The following IRAK4 variants were observed in gnomAD, a reference collection of about 807,000 sequenced individuals.
The protein encoded by IRAK4 is interleukin-1 receptor-associated kinase 4.
Under a neutral mutation model 51.8 loss-of-function variants are expected in IRAK4, and 44 were observed. The ratio of observed to expected loss-of-function variants is 0.85; its 90% confidence interval spans 0.67 to 1.09. The LOEUF (loss-of-function observed/expected upper bound fraction) is 1.09, where lower values mean the gene tolerates loss of function less well. Ranked by LOEUF, IRAK4 falls within the 50% of genes least tolerant of loss-of-function variation. The pLI, the probability that IRAK4 is intolerant of heterozygous loss-of-function variation, is 0.00. For synonymous variants in IRAK4, 149 were observed against 174.1 expected, an observed-to-expected ratio of 0.86 and a Z score of 1.13; for missense variants, 487 against 538.0, an observed-to-expected ratio of 0.91 and a Z score of 0.94.
chr12:43,777,447 G>A (rs1388768040), intron 6 of IRAK4, among the ~76,000 whole-genome samples, 183 bp from the exon 7 acceptor site: 1 of 152,110 alleles, frequency 6.6e-6, no homozygotes, highest in Non-Finnish European at 1.5e-5. Context: ...GAAAAGAGAA[G>A]TATTTGCAGA....
At chr12:43,782,275 AT>A (rs1941841489) in intron 8 of IRAK4, 31 bp from the exon 9 acceptor site, 1 of 1,553,522 alleles carries the variant, frequency 6.4e-7, no homozygotes, top group Non-Finnish European at 8.9e-7. Context: ...TGGGAAAAAC[AT>A]TTTTTTCTTC....
chr12:43,779,071 A>G (rs4251505), intron 8 of IRAK4, among the ~76,000 whole-genome samples: 2,381 of 152,228 alleles, frequency 0.016, 71 homozygotes, highest in African/African-American at 0.053. Flanking sequence ...AGACCTGACT[A>G]TGTTCCCTGA....
At chr12:43,763,929 C>G (rs1413241654) in intron 1 of IRAK4, among the ~76,000 whole-genome samples, 1 of 152,164 alleles carries the variant, frequency 6.6e-6, no homozygotes, top group Non-Finnish European at 1.5e-5. Flanking sequence ...CTCTGGTATG[C>G]TACCATCCTG....
intron 2 of IRAK4, among the ~76,000 whole-genome samples, chr12:43,769,030 A>C (rs930759343): frequency 6.6e-6 from 1 of 152,236 alleles, no homozygotes; most frequent in African/African-American, 2.4e-5. Flanking sequence ...ACTTGAAAGA[A>C]GCTTAAGTTT....
chr12:43,778,422 T>G, intron 8 of IRAK4, 120 bp downstream of exon 8: 1 of 683,010 alleles, frequency 1.5e-6, no homozygotes, highest in South Asian at 1.6e-5. Context: ...TTCCCATCAC[T>G]CCATGAAAGC....
At chr12:43,781,055 C>T (rs1941736514) in intron 8 of IRAK4, among the ~76,000 whole-genome samples, 1 of 152,198 alleles carries the variant, frequency 6.6e-6, no homozygotes, top group Non-Finnish European at 1.5e-5. Flanking sequence ...AACTCATCAG[C>T]TCTTCCCAAC....
intron 1 of IRAK4, 136 bp downstream of exon 1, chr12:43,759,152 A>G (rs925295926): frequency 1.3e-5 from 2 of 152,190 alleles, no homozygotes; most frequent in Non-Finnish European, 2.9e-5. Context: ...GAAAAGTTAG[A>G]GAGGAAGTGG....
chr12:43,777,388 C>CA (rs1208253208), intron 6 of IRAK4, among the ~76,000 whole-genome samples: 1 of 150,106 alleles, frequency 6.7e-6, no homozygotes, highest in Admixed American at 6.6e-5. Context: ...GACCCTGTCT[C>CA]AAAAAAAAGA....
rs1244306328 is a variant in IRAK4 at position 43,787,709 on chromosome 12, A to AATAC, written c.*994_*995insATAC. On this transcript the variant is annotated 3_prime_UTR_variant, in exon 12 of 12. Transcript: ENST00000613694. ...ATTTCAGCTTTGCATGATCCTCAGTATGAGAATCTATCTGTTCTGTGCTGG... is the reference window on the plus strand; with the variant it reads ...ATTTCAGCTTTGCATGATCCTCAGTAATACTGAGAATCTATCTGTTCTGTGCTGG... 6.6e-6 allele frequency: 1 copy of AATAC among 152,264 alleles called. No individual in the cohort carries two copies. The highest frequency in any genetic ancestry group is 1.5e-5 in the Non-Finnish European group (1 of 68,096). The allele number at this position is 152,264 out of a possible 1,614,324, so 9.4% of individuals were successfully genotyped here.
At chr12:43,764,552 A>G (rs1939916023) in intron 1 of IRAK4, among the ~76,000 whole-genome samples, 1 of 152,218 alleles carries the variant, frequency 6.6e-6, no homozygotes, top group Non-Finnish European at 1.5e-5. Flanking sequence ...TAACCACATC[A>G]ATGAAGTCTT....
intron 10 of IRAK4, 37 bp downstream of exon 10, chr12:43,783,761 TC>T: frequency 2.1e-6 from 3 of 1,398,538 alleles, no homozygotes; most frequent in Non-Finnish European, 3.0e-6. Context: ...TCCTTTTTTC[TC>T]TGCTTTTGTA....
chr12:43,778,112 G>A, intron 7 of IRAK4, 81 bp from the exon 8 acceptor site: 1 of 847,666 alleles, frequency 1.2e-6, no homozygotes. Context: ...TTGTTGCCTA[G>A]AAAAATATTC....
rs36085436 is a variant in IRAK4 at position 43,787,564 on chromosome 12, G to GA, written c.*858dup. 8 of 151,212 alleles carry GA rather than the reference G, an allele frequency of 5.3e-5. No homozygotes were observed. Among genetic ancestry groups the GA allele is most frequent in the East Asian group, 1.9e-4 (1 of 5,152 alleles). 9.4% of individuals were successfully genotyped at this position (151,212 alleles called of 1,614,324 possible). ...CTACCTTCCAGTTGTCAGCAAGCAG[G>GA]AAAAAAAAATTGGGACCTCAGTTGC... On this transcript the variant is annotated 3_prime_UTR_variant, in exon 12 of 12. Coordinates refer to ENST00000613694, the MANE Select transcript of IRAK4 (RefSeq NM_016123.4).
rs1942320477 is a variant in IRAK4 at position 43,787,967 on chromosome 12, G to A, written c.*1252G>A. 6.6e-6 allele frequency: 1 copy of A among 152,328 alleles called. No homozygotes were observed. Among genetic ancestry groups the A allele is most frequent in the Non-Finnish European group, 1.5e-5 (1 of 68,166 alleles). 9.4% of individuals were successfully genotyped at this position (152,328 alleles called of 1,614,324 possible). On this transcript the variant is annotated 3_prime_UTR_variant, in exon 12 of 12. Coordinates refer to ENST00000613694, the MANE Select transcript of IRAK4 (RefSeq NM_016123.4). ...AGCTACTTGGGAGGCTGAGGCAGGA[G>A]ACTAGCTGGAACCAGGGAGGTAGAG...
chr12:43,783,815 T>C, intron 10 of IRAK4, 91 bp downstream of exon 10: 1 of 851,198 alleles, frequency 1.2e-6, no homozygotes, highest in Non-Finnish European at 1.9e-6. Flanking sequence ...AAAATAACAT[T>C]TTCTATTGGC....
At chr12:43,783,052 T>C (rs760995713) in intron 9 of IRAK4, among the ~76,000 whole-genome samples, 2 of 152,068 alleles carry the variant, frequency 1.3e-5, no homozygotes, top group Non-Finnish European at 2.9e-5. Context: ...AGGAAAAGGA[T>C]TGGGAGTCCT....
At chr12:43,770,389 T>G (rs1592226219) in intron 2 of IRAK4, among the ~76,000 whole-genome samples, 2 of 152,324 alleles carry the variant, frequency 1.3e-5, no homozygotes, top group African/African-American at 4.8e-5. Context: ...GAATACACTC[T>G]TTTGTCAAAT....
intron 3 of IRAK4, 116 bp downstream of exon 3, chr12:43,771,481 G>A: frequency 9.1e-7 from 1 of 1,101,554 alleles, no homozygotes. Flanking sequence ...TTACATTTGA[G>A]AGTCCCTTTC....
chr12:43,783,325 TA>T (rs1941939278), intron 9 of IRAK4, among the ~76,000 whole-genome samples: 1 of 151,902 alleles, frequency 6.6e-6, no homozygotes, highest in Admixed American at 6.6e-5. Flanking sequence ...ATAATATATA[TA>T]TTTTTTAGAG....
Sources: gnomAD v4.1 joint callset for allele counts (sites outside exome capture counted in the v4.1 genomes callset) on GRCh38, gnomAD v4.1.1 for gene constraint, MANE v1.5 for transcripts, NCBI Gene and HGNC (gene_info 2026-07-23, HGNC 2026-07-21) for gene names.